The following ABTB3 variants were observed in gnomAD, a reference collection of about 807,000 sequenced individuals.
The protein encoded by ABTB3 is ankyrin repeat- and BTB/POZ domain-containing protein 3.
the ABTB3 span, among the ~76,000 whole-genome samples, chr12:107,361,249 T>C: frequency 6.6e-6 from 1 of 152,210 alleles, no homozygotes; most frequent in Non-Finnish European, 1.5e-5. Flanking sequence ...CAACTTGATG[T>C]ATTATAGCAT....
chr12:107,645,017 G>A, the ABTB3 span, among the ~76,000 whole-genome samples: 2 of 140,296 alleles, frequency 1.4e-5, no homozygotes, highest in Non-Finnish European at 3.0e-5. Flanking sequence ...TTGTTGCCCA[G>A]GCTGGAGTGC....
chr12:107,542,613 A>G, the ABTB3 span, among the ~76,000 whole-genome samples: 1 of 152,192 alleles, frequency 6.6e-6, no homozygotes, highest in Non-Finnish European at 1.5e-5. Flanking sequence ...ACTTAGGGGC[A>G]CTGAACCCCT....
the ABTB3 span, among the ~76,000 whole-genome samples, chr12:107,497,893 G>A: frequency 2.6e-5 from 4 of 152,080 alleles, no homozygotes; most frequent in African/African-American, 9.7e-5. Flanking sequence ...TCCTCCACAT[G>A]TCAGGACGTG....
At chr12:107,343,035 G>C in the ABTB3 span, among the ~76,000 whole-genome samples, 1 of 152,068 alleles carries the variant, frequency 6.6e-6, no homozygotes, top group East Asian at 1.9e-4. Context: ...TATTTTTAGA[G>C]ACAGGATCTC....
chr12:107,490,029 T>G, the ABTB3 span, among the ~76,000 whole-genome samples: 1 of 152,314 alleles, frequency 6.6e-6, no homozygotes, highest in South Asian at 2.1e-4. Flanking sequence ...AAATACATTT[T>G]TATGCAACAA....
At chr12:107,478,146 C>T in the ABTB3 span, among the ~76,000 whole-genome samples, 1 of 152,202 alleles carries the variant, frequency 6.6e-6, no homozygotes, top group East Asian at 1.9e-4. Flanking sequence ...GGTTATGACT[C>T]AGATGCCCAG....
chr12:107,541,371 G>A, the ABTB3 span, among the ~76,000 whole-genome samples: 1 of 152,266 alleles, frequency 6.6e-6, no homozygotes, highest in East Asian at 1.9e-4. Context: ...ACAGGGGCTA[G>A]CATCATGTCA....
At chr12:107,327,073 T>G in the ABTB3 span, among the ~76,000 whole-genome samples, 1 of 152,204 alleles carries the variant, frequency 6.6e-6, no homozygotes, top group Middle Eastern at 3.2e-3. Flanking sequence ...TGTGACCTAG[T>G]TCTTTCCCTT....
At chr12:107,330,640 T>C in the ABTB3 span, among the ~76,000 whole-genome samples, 1 of 152,200 alleles carries the variant, frequency 6.6e-6, no homozygotes, top group South Asian at 2.1e-4. Flanking sequence ...GGAACCGGTA[T>C]CCCAGGTTTC....
chr12:107,529,938 G>A, the ABTB3 span, among the ~76,000 whole-genome samples: 1 of 152,212 alleles, frequency 6.6e-6, no homozygotes, highest in African/African-American at 2.4e-5. Context: ...AACATGTAAT[G>A]TGTTAGACTT....
chr12:107,649,275 G>A, the ABTB3 span: 1 of 1,612,250 alleles, frequency 6.2e-7, no homozygotes, highest in South Asian at 1.1e-5. Context: ...GATCATGGAG[G>A]TAAGGGATCC....
At chr12:107,446,450 A>G in the ABTB3 span, among the ~76,000 whole-genome samples, 1 of 152,142 alleles carries the variant, frequency 6.6e-6, no homozygotes, top group Non-Finnish European at 1.5e-5. Context: ...GTCAGGTTTT[A>G]TAAATTACAG....
At chr12:107,450,474 G>A in the ABTB3 span, among the ~76,000 whole-genome samples, 9 of 152,278 alleles carry the variant, frequency 5.9e-5, no homozygotes, top group East Asian at 1.7e-3. Context: ...ATGGGGGCTT[G>A]GGTCCTGGCA....
chr12:107,652,262 G>A, the ABTB3 span, among the ~76,000 whole-genome samples: 1 of 152,224 alleles, frequency 6.6e-6, no homozygotes, highest in Admixed American at 6.5e-5. Context: ...CTTGAGGGGG[G>A]ACCCAGCCAC....
At chr12:107,497,828 T>C in the ABTB3 span, among the ~76,000 whole-genome samples, 2 of 152,174 alleles carry the variant, frequency 1.3e-5, no homozygotes, top group African/African-American at 4.8e-5. Flanking sequence ...AAGTGACTCA[T>C]TGACTCATTC....
chr12:107,511,488 T>C, the ABTB3 span, among the ~76,000 whole-genome samples: 1 of 152,094 alleles, frequency 6.6e-6, no homozygotes, highest in Admixed American at 6.5e-5. Context: ...GTTGGCTGAC[T>C]GTCCATTGGT....
At chr12:107,367,540 T>C in the ABTB3 span, among the ~76,000 whole-genome samples, 3 of 152,174 alleles carry the variant, frequency 2.0e-5, no homozygotes, top group East Asian at 5.8e-4. Context: ...AGTCTCACTC[T>C]GTAGCCCAAG....
At chr12:107,353,300 A>G in the ABTB3 span, among the ~76,000 whole-genome samples, 1 of 152,186 alleles carries the variant, frequency 6.6e-6, no homozygotes, top group Non-Finnish European at 1.5e-5. Context: ...TGAGCCGTCA[A>G]GGAACTCACT....
At chr12:107,382,754 C>G in the ABTB3 span, among the ~76,000 whole-genome samples, 1 of 151,810 alleles carries the variant, frequency 6.6e-6, no homozygotes, top group African/African-American at 2.4e-5. Flanking sequence ...ACACTGGGGC[C>G]TGTTGTGGGG....
Sources: allele counts gnomAD v4.1 joint callset (sites outside exome capture counted in the v4.1 genomes callset), GRCh38; gene constraint gnomAD v4.1.1; transcripts MANE v1.5; gene names NCBI Gene and HGNC (gene_info 2026-07-23, HGNC 2026-07-21).